The following ACKR3 variants were observed in gnomAD, a reference collection of about 807,000 sequenced individuals.
ACKR3 encodes the protein C-X-C chemokine receptor type 7.
Under a neutral mutation model 22.4 loss-of-function variants are expected in ACKR3, and 6 were observed. That is an observed-to-expected ratio of 0.27 (90% CI 0.15 to 0.53). The LOEUF is 0.53. Among genes scored for constraint, ACKR3 ranks in the 20% least tolerant of loss-of-function variants. The probability of loss-of-function intolerance (pLI) is 0.96; values close to 1 mark genes in which losing one functional copy is unlikely to be tolerated. For synonymous variants in ACKR3, 209 were observed against 205.2 expected (o/e 1.02, Z -0.16); for missense variants, 396 against 475.2 (o/e 0.83, Z 1.55).
chr2:236,579,472 C>T (rs1015849619), intron 1 of ACKR3, among the ~76,000 whole-genome samples: 47 of 152,288 alleles, frequency 3.1e-4, no homozygotes, highest in African/African-American at 1.0e-3. Context: ...CAGCCCCTGT[C>T]AGTCTATCTG....
Position 236,580,680 on chromosome 2 carries a change from C to G in ACKR3, c.215C>G (p.Ala72Gly). ...NSVVVWVNIQ[A>G]KTTGYDTHCY... is the part of the protein sequence containing the mutation. ...GTGGTGGTCTGGGTGAATATCCAGG[C>G]CAAGACCACAGGCTATGACACGCAC... The change falls in exon 2 of 2, where the codon GCC becomes GGC. Residue 72 changes from alanine to glycine, a missense_variant. Physicochemically the swap from Ala to Gly is moderately conservative, Grantham distance 60 (BLOSUM62 0). Transcript: ENST00000272928. 1 of 1,614,156 alleles carries G rather than the reference C, an allele frequency of 6.2e-7. No homozygotes were observed. Among genetic ancestry groups the G allele is most frequent in the South Asian group, 1.1e-5 (1 of 91,078 alleles).
At chr2:236,556,115 G>T in the ACKR3 span, among the ~76,000 whole-genome samples, 3 of 152,142 alleles carry the variant, frequency 2.0e-5, no homozygotes, top group African/African-American at 7.2e-5. Flanking sequence ...GAGTCCATGT[G>T]GGGTGAGGGG....
At chr2:236,549,764 T>C in the ACKR3 span, among the ~76,000 whole-genome samples, 79 of 152,286 alleles carry the variant, frequency 5.2e-4, no homozygotes, top group African/African-American at 1.9e-3. This position sits in a 1 kb window ranked among gnomAD's most constrained non-coding sequence, Gnocchi z 5.3. Context: ...CTGTGTCAGG[T>C]GCAACTATGG....
the ACKR3 span, among the ~76,000 whole-genome samples, chr2:236,551,308 T>G: frequency 1.4e-3 from 212 of 152,276 alleles, 1 homozygote; most frequent in African/African-American, 4.9e-3. Flanking sequence ...TTGAGTCCCT[T>G]GTCAAGCCTC....
intron 1 of ACKR3, among the ~76,000 whole-genome samples, chr2:236,572,190 G>A (rs1691323763): frequency 6.6e-6 from 1 of 152,128 alleles, no homozygotes; most frequent in African/African-American, 2.4e-5. Flanking sequence ...AATGTTTGAT[G>A]CTTTTATCGA....
chr2:236,547,134 T>C, the ACKR3 span, among the ~76,000 whole-genome samples: 144 of 152,344 alleles, frequency 9.5e-4, no homozygotes, highest in Non-Finnish European at 1.6e-3. Flanking sequence ...CAGGTGGTTG[T>C]GAGACCTCAG....
rs148872799 is a variant in ACKR3 at position 236,577,743 on chromosome 2, C to T, written c.-26-2697C>T. 4.3e-3 allele frequency among the ~76,000 whole-genome samples: 662 copies of T among 152,288 alleles called. 3 individuals are homozygous for T. Among genetic ancestry groups the T allele is most frequent in the Middle Eastern group, 0.014 (4 of 294 alleles). On this transcript the variant is annotated intron_variant, in intron 1 of 1. Transcript: ENST00000272928. This position sits in a 1 kb window ranked among gnomAD's most constrained non-coding sequence, Gnocchi z 5.6. ...GTGGGGCGGATTCGGGATCCAAGTT[C>T]GGGCGAACAAAGACTGAGGGTCATT...
At chr2:236,567,189 T>C (rs1445127870), upstream of ACKR3, among the ~76,000 whole-genome samples, 1 of 152,086 alleles carries the variant, frequency 6.6e-6, no homozygotes, top group African/African-American at 2.4e-5. Context: ...TTAGTAGAGA[T>C]GGGGTTTCAC....
At chr2:236,578,756 GC>G (rs1307314601) in intron 1 of ACKR3, among the ~76,000 whole-genome samples, 1 of 152,306 alleles carries the variant, frequency 6.6e-6, no homozygotes, top group East Asian at 1.9e-4. Context: ...CAAAGGAGAA[GC>G]CCATCAAACA....
At chr2:236,559,123 C>G in the ACKR3 span, among the ~76,000 whole-genome samples, 1 of 152,208 alleles carries the variant, frequency 6.6e-6, no homozygotes, top group Non-Finnish European at 1.5e-5. Flanking sequence ...TTGATATACT[C>G]TCATGGCAAA....
Position 236,581,395 on chromosome 2 carries a change from C to G in ACKR3, c.930C>G (p.Val310=). Residue 310 remains valine, a synonymous_variant, in exon 2 of 2, where the codon GTC becomes GTG. Coordinates refer to ENST00000272928, the MANE Select transcript of ACKR3 (RefSeq NM_020311.3). This position sits in a 1 kb window ranked among gnomAD's most constrained non-coding sequence, Gnocchi z 4.4. The part of the protein sequence containing the change: ...TQCLSLVHCC[V]NPVLYSFINR... ...GCCTGTCGCTGGTGCACTGCTGCGT[C>G]AACCCTGTCCTCTACAGCTTCATCA... The G allele has an allele frequency of 6.2e-7, 1 of 1,614,124 alleles. No homozygotes were observed. The highest frequency in any genetic ancestry group is 8.5e-7 in the Non-Finnish European group (1 of 1,180,046).
chr2:236,545,214 T>C, the ACKR3 span, among the ~76,000 whole-genome samples: 1 of 152,152 alleles, frequency 6.6e-6, no homozygotes, highest in Non-Finnish European at 1.5e-5. The surrounding 1 kb of genome is among the most constrained non-coding windows in gnomAD (Gnocchi z 5.3). Flanking sequence ...TTCTAGCAAC[T>C]GAAGGATGTG....
upstream of ACKR3, among the ~76,000 whole-genome samples, chr2:236,568,528 G>A (rs763382000): frequency 1.4e-4 from 22 of 152,336 alleles, no homozygotes; most frequent in Non-Finnish European, 2.8e-4. Flanking sequence ...CTGCAGAGGC[G>A]GTGGCGGGAC....
At chr2:236,543,830 T>C in the ACKR3 span, among the ~76,000 whole-genome samples, 4 of 151,466 alleles carry the variant, frequency 2.6e-5, no homozygotes, top group South Asian at 4.2e-4. Flanking sequence ...ATTTGAAAGA[T>C]TGATGGGATT....
chr2:236,581,076 G>A lies in ACKR3; in HGVS notation c.611G>A (p.Ser204Asn). 6.2e-7 allele frequency: 1 copy of A among 1,614,228 alleles called. No homozygotes were observed. Among genetic ancestry groups the A allele is most frequent in the Non-Finnish European group, 8.5e-7 (1 of 1,180,048 alleles). Residue 204 changes from serine (S) to asparagine (N), a missense_variant, in exon 2 of 2, where the codon AGC becomes AAC. Physicochemically the swap from Ser to Asn is conservative, Grantham distance 46. Coordinates refer to ENST00000272928, the MANE Select transcript of ACKR3 (RefSeq NM_020311.3). This position sits in a 1 kb window ranked among gnomAD's most constrained non-coding sequence, Gnocchi z 4.4. Reference protein sequence around the residue: ...TYCRSFYPEHSIKEWLIGMEL... With the variant: ...TYCRSFYPEHNIKEWLIGMEL... The stretch of plus-strand genomic sequence containing the variant: ...TGCCGGTCCTTCTACCCCGAGCACA[G>A]CATCAAGGAGTGGCTGATCGGCATG...
chr2:236,564,171 T>C (rs922156872), upstream of ACKR3, among the ~76,000 whole-genome samples: 1 of 152,204 alleles, frequency 6.6e-6, no homozygotes, highest in African/African-American at 2.4e-5. Flanking sequence ...TTCAGCCTGA[T>C]TGGTCACAGG....
the ACKR3 span, among the ~76,000 whole-genome samples, chr2:236,550,444 G>A: frequency 6.6e-6 from 1 of 152,192 alleles, no homozygotes; most frequent in Non-Finnish European, 1.5e-5. This position sits in a 1 kb window ranked among gnomAD's most constrained non-coding sequence, Gnocchi z 4.6. Context: ...CACGTCATCG[G>A]GCAGTAAAAT....
Position 236,580,588 on chromosome 2 carries a change from C to A in ACKR3, c.123C>A (p.Ser41Arg), listed in dbSNP as rs778618630. ...TGTGTCCCAACATGCCCAACAAAAG[C>A]GTCCTGCTCTACACGCTCTCCTTCA... is the stretch of plus-strand genomic sequence containing the variant. The part of the protein sequence containing the change: ...TVMCPNMPNK[S>R]VLLYTLSFIY... The change falls in exon 2 of 2, where the codon AGC (serine) becomes AGA (arginine). Residue 41 changes from serine to arginine, a missense_variant. Transcript: ENST00000272928. 6.2e-6 allele frequency: 10 copies of A among 1,613,924 alleles called. No individual in the cohort carries two copies. Among genetic ancestry groups the A allele is most frequent in the East Asian group, 4.5e-5 (2 of 44,898 alleles).
Position 236,575,622 on chromosome 2 carries a change from TCTGGGGTTGTGCTGTGTGTGC to T in ACKR3, c.-26-4817_-26-4797del, listed in dbSNP as rs1178289512. Among the ~76,000 whole-genome samples the T allele has an allele frequency of 1.4e-3, 172 of 121,784 alleles. 11 individuals carry two copies. The highest frequency in any genetic ancestry group is 6.2e-3 in the African/African-American group (165 of 26,632). The allele number at this position is 121,784 out of a possible 152,430, so 79.9% of individuals were successfully genotyped here. A position where few individuals can be genotyped will look rare whatever the true frequency, so the allele number is the denominator to read the frequency against. The stretch of plus-strand genomic sequence containing the variant: ...GGGTTGTGCTCTGTGTGTGTGTGTG[TCTGGGGTTGTGCTGTGTGTGC>T]GTGTCTGGGGTTGTGCTGTGTGTGC... On this transcript the variant is annotated intron_variant, in intron 1 of 1. Coordinates refer to ENST00000272928, the MANE Select transcript of ACKR3 (RefSeq NM_020311.3).
Sources: gnomAD v4.1 joint callset for allele counts (sites outside exome capture counted in the v4.1 genomes callset) on GRCh38, gnomAD v4.1.1 for gene constraint, Gnocchi (gnomAD v3.1) non-coding constraint, MANE v1.5 for transcripts, NCBI Gene and HGNC (gene_info 2026-07-23, HGNC 2026-07-21) for gene names.